TRPM7: variants seen among roughly 807,000 people sequenced by gnomAD.
TRPM7 encodes transient receptor potential cation channel subfamily M member 7.
Under a neutral mutation model 229.7 loss-of-function variants are expected in TRPM7, and 134 were observed. That is an observed-to-expected ratio of 0.58 (90% confidence interval 0.51 to 0.67). The LOEUF is 0.67. TRPM7 is among the 30% of genes least tolerant of loss of function. TRPM7 has a pLI of 0.00. For synonymous variants in TRPM7, 699 were observed against 715.2 expected (o/e 0.98, Z 0.36); for missense variants, 1,901 against 2,210.0 (o/e 0.86, Z 2.80).
intron 13 of TRPM7, among the ~76,000 whole-genome samples, chr15:50,617,000 G>A (rs2060239264): frequency 6.6e-6 from 1 of 151,926 alleles, no homozygotes; most frequent in Non-Finnish European, 1.5e-5. Context: ...ATAAAGAAAA[G>A]CACATGCAGG....
Position 50,575,150 on chromosome 15 carries a change from G to A in TRPM7, c.4736-15C>T. 1.3e-6 allele frequency: 2 copies of A among 1,536,624 alleles called. No homozygotes were observed. Among genetic ancestry groups the A allele is most frequent in the Admixed American group, 2.1e-5 (1 of 47,312 alleles). ...GACAGGCTCCCCTGCAACACAAATGGAAAAAGTTTAAGATTAAATTGTGAC... is the reference window on the plus strand; with the variant it reads ...GACAGGCTCCCCTGCAACACAAATGAAAAAAGTTTAAGATTAAATTGTGAC... On this transcript the variant is annotated splice_polypyrimidine_tract_variant and intron_variant, in intron 33 of 38. Transcript: ENST00000646667.
chr15:50,664,625 A>G (rs1437100219), intron 1 of TRPM7, among the ~76,000 whole-genome samples: 1 of 152,236 alleles, frequency 6.6e-6, no homozygotes, highest in Non-Finnish European at 1.5e-5. Flanking sequence ...CTAGGCTCAC[A>G]GAAGATTAAC....
chr15:50,589,096 CG>C (rs1207455762), intron 27 of TRPM7, among the ~76,000 whole-genome samples: 2 of 152,074 alleles, frequency 1.3e-5, no homozygotes, highest in Non-Finnish European at 2.9e-5. Context: ...CCGAGGCAGG[CG>C]GATCGCTTGA....
chr15:50,650,192 CAAAAAAAA>C (rs59579538), intron 3 of TRPM7, among the ~76,000 whole-genome samples: 20 of 62,290 alleles, frequency 3.2e-4, no homozygotes, highest in East Asian at 1.5e-3. Context: ...GACTTTGTCT[CAAAAAAAA>C]AAAAAAAAAA....
intron 1 of TRPM7, among the ~76,000 whole-genome samples, chr15:50,665,217 G>A (rs2061849628): frequency 6.6e-6 from 1 of 151,876 alleles, no homozygotes; most frequent in South Asian, 2.1e-4. Context: ...TAACCAACAT[G>A]GTGAAACCCG....
At chr15:50,622,359 T>A (rs2060434308) in intron 12 of TRPM7, among the ~76,000 whole-genome samples, 1 of 152,164 alleles carries the variant, frequency 6.6e-6, no homozygotes, top group South Asian at 2.1e-4. Context: ...CATCAATAAT[T>A]GATGCTGAAA....
intron 20 of TRPM7, among the ~76,000 whole-genome samples, chr15:50,605,560 T>C (rs1307138318): frequency 6.6e-6 from 1 of 152,240 alleles, no homozygotes; most frequent in East Asian, 1.9e-4. Flanking sequence ...TTAAAACATA[T>C]GCCTCTTCTC....
Position 50,586,506 on chromosome 15 carries a change from A to T in TRPM7, c.4390-18T>A, listed in dbSNP as rs1360306222. 1.3e-6 allele frequency: 2 copies of T among 1,537,322 alleles called. No individual in the cohort carries two copies. Among genetic ancestry groups the T allele is most frequent in the South Asian group, 2.3e-5 (2 of 88,552 alleles). On this transcript the variant is annotated intron_variant, in intron 27 of 38. Coordinates refer to ENST00000646667, the MANE Select transcript of TRPM7 (RefSeq NM_017672.6). ...TTGTTATTCTGCAAATATTGTGCAG[A>T]CATATAATTTGAAAATAATTGAACT...
At chr15:50,623,896 T>C (rs1417560171) in intron 12 of TRPM7, among the ~76,000 whole-genome samples, 1 of 151,768 alleles carries the variant, frequency 6.6e-6, no homozygotes, top group Admixed American at 6.6e-5. Flanking sequence ...GATCCTCTAG[T>C]TTTGATAAGG....
At chr15:50,686,132 T>C (rs1394990127) in intron 1 of TRPM7, among the ~76,000 whole-genome samples, 1 of 152,200 alleles carries the variant, frequency 6.6e-6, no homozygotes, top group Admixed American at 6.5e-5. Context: ...GGTTCCCTTA[T>C]CTGCCAGCAA....
intron 21 of TRPM7, among the ~76,000 whole-genome samples, chr15:50,603,294 ATATT>A (rs2059828066): frequency 6.6e-6 from 1 of 150,640 alleles, no homozygotes; most frequent in Non-Finnish European, 1.5e-5. Context: ...TACTCAAGAA[ATATT>A]TAATTTAGAA....
At chr15:50,561,885 G>A (rs1596035823) in intron 38 of TRPM7, 77 bp from the exon 39 acceptor site, 3 of 1,351,342 alleles carry the variant, frequency 2.2e-6, no homozygotes, top group African/African-American at 3.0e-5. Context: ...TAGAAATGGA[G>A]AATTAGGAAC....
intron 19 of TRPM7, among the ~76,000 whole-genome samples, chr15:50,609,181 T>C (rs913141738): frequency 6.6e-6 from 1 of 152,250 alleles, no homozygotes; most frequent in African/African-American, 2.4e-5. Flanking sequence ...TTTATCATCA[T>C]CAATTAACAC....
rs545381502 is a variant in TRPM7, at chr15:50,627,285, A to T, written c.1305+864T>A. Among the ~76,000 whole-genome samples the T allele has an allele frequency of 6.7e-3, 1,020 of 152,298 alleles. 15 individuals carry two copies. The highest frequency in any genetic ancestry group is 0.024 in the African/African-American group (978 of 41,568). ...CAGATGGTGACAAAAGTTAGAAAAA[A>T]ATAGCAGGGAAGAATGCTGGTTTAG... On this transcript the variant is annotated intron_variant, in intron 11 of 38. Coordinates refer to ENST00000646667, the MANE Select transcript of TRPM7 (RefSeq NM_017672.6).
At chr15:50,643,286 T>G in intron 5 of TRPM7, 54 bp downstream of exon 5, 1 of 1,291,062 alleles carries the variant, frequency 7.7e-7, no homozygotes, top group Non-Finnish European at 1.1e-6. Context: ...AGAGTCCGTC[T>G]CAAAAAAAAA....
At chr15:50,671,026 T>C (rs777682989) in intron 1 of TRPM7, among the ~76,000 whole-genome samples, 1 of 152,156 alleles carries the variant, frequency 6.6e-6, no homozygotes, top group Admixed American at 6.6e-5. Flanking sequence ...ATCGAGCTAA[T>C]TATCATATAC....
In TRPM7 at chr15:50,672,898, C is replaced by CAAAAAAAA. The variant is rs35153596; in HGVS notation, c.4-9860_4-9853dup. On this transcript the variant is annotated intron_variant, in intron 1 of 38. Coordinates refer to ENST00000646667, the MANE Select transcript of TRPM7 (RefSeq NM_017672.6). The stretch of plus-strand genomic sequence containing the variant: ...AGGGTGACAGAGTGAGACTCTGTCT[C>CAAAAAAAA]AAAAAAAAAAAAAAAAAAAAAAAAA... Among the ~76,000 whole-genome samples the CAAAAAAAA allele has an allele frequency of 9.9e-4, 26 of 26,218 alleles. 1 individual carries two copies. Among genetic ancestry groups the CAAAAAAAA allele is most frequent in the African/African-American group, 3.0e-3 (23 of 7,660 alleles). The allele number at this position is 26,218 out of a possible 152,430, so 17.2% of individuals were successfully genotyped here.
rs772830981 is a variant in TRPM7, at chr15:50,592,128, T to C, written c.4107A>G (p.Leu1369=). 3.7e-6 allele frequency: 6 copies of C among 1,613,486 alleles called. No individual in the cohort carries two copies. The highest frequency in any genetic ancestry group is 2.2e-5 in the South Asian group (2 of 90,958). ...AVSPPELRQR[L]HGVELLKIFN... ...ATATTTTTAAGAGTTCTACCCCATG[T>C]AGTCTCTGTCGCAGTTCTGGAGGGG... The change falls in exon 26 of 39, where the codon CTA becomes CTG. Residue 1369 remains leucine, a synonymous_variant. Coordinates refer to ENST00000646667, the MANE Select transcript of TRPM7 (RefSeq NM_017672.6).
intron 10 of TRPM7, among the ~76,000 whole-genome samples, chr15:50,629,242 T>C (rs1445167225): frequency 6.6e-6 from 1 of 150,598 alleles, no homozygotes; most frequent in Non-Finnish European, 1.5e-5. Flanking sequence ...ACCATAACCA[T>C]TTCTCCATGT....
Sources: gnomAD v4.1 joint callset for allele counts (sites outside exome capture counted in the v4.1 genomes callset) on GRCh38, gnomAD v4.1.1 for gene constraint, MANE v1.5 for transcripts, NCBI Gene and HGNC (gene_info 2026-07-23, HGNC 2026-07-21) for gene names.